Variants in IQGAP3 observed in about 807,000 individuals in gnomAD.
The protein encoded by IQGAP3 is IQ motif containing GTPase activating protein 3.
A neutral mutation model predicts 208.2 loss-of-function variants in IQGAP3; 165 were observed. The ratio of observed to expected loss-of-function variants is 0.79; its 90% CI spans 0.70 to 0.90. The LOEUF (loss-of-function observed/expected upper bound fraction) is 0.90, where lower values mean the gene tolerates loss of function less well. IQGAP3 is among the 40% of genes least tolerant of loss of function. The probability of loss-of-function intolerance (pLI) is 0.00; values close to 1 mark genes in which losing one functional copy is unlikely to be tolerated. For missense variants in IQGAP3, 1,811 were observed against 2,043.1 expected (o/e 0.89, Z 2.19); for synonymous variants, 703 against 803.6 (o/e 0.87, Z 2.12).
rs769243391 is a variant in IQGAP3, at chr1:156,539,492, T to C, written c.2938A>G (p.Asn980Asp). The change falls in exon 25 of 38, where the codon AAC (asparagine) becomes GAC (aspartate). Residue 980 changes from asparagine (N) to aspartate (D), a missense_variant. Coordinates refer to ENST00000361170, the MANE Select transcript of IQGAP3 (RefSeq NM_178229.5). Reference sequence around the variant, plus strand: ...GCCTCCATGAACTTGGTGGTTTTGTTCTGTGGCATCTGAAAGATCAGCTTG... The same window carrying C: ...GCCTCCATGAACTTGGTGGTTTTGTCCTGTGGCATCTGAAAGATCAGCTTG... ...LAKLIFQMPQNKTTKFMEAVI... is the reference protein window; with the variant it reads ...LAKLIFQMPQDKTTKFMEAVI... The C allele has an allele frequency of 1.4e-5, 23 of 1,614,176 alleles. No homozygotes were observed. Among genetic ancestry groups the C allele is most frequent in the Non-Finnish European group, 1.9e-5 (23 of 1,180,032 alleles).
intron 2 of IQGAP3, among the ~76,000 whole-genome samples, chr1:156,568,978 G>A (rs748175284): frequency 8.6e-5 from 13 of 152,046 alleles, no homozygotes; most frequent in Non-Finnish European, 1.6e-4. Context: ...GATTAAAGAA[G>A]ACATACAAGC....
At position 156,548,516 on chromosome 1, in the gene IQGAP3, GT is replaced by G. The variant is rs1557933000; in HGVS notation, c.1994-30del. On this transcript the variant is annotated intron_variant, in intron 17 of 37. Coordinates refer to ENST00000361170, the MANE Select transcript of IQGAP3 (RefSeq NM_178229.5). ...AGCAGAAACCAAGCAAGCAGAAAAGGTTCAGAGCAGGCAAGGGGTGGCTGGG... is the reference window on the plus strand; with the variant it reads ...AGCAGAAACCAAGCAAGCAGAAAAGGTCAGAGCAGGCAAGGGGTGGCTGGG... 1.9e-6 allele frequency: 3 copies of G among 1,608,418 alleles called. No homozygotes were observed. The Admixed American group carries it at 5.0e-5, about 27-fold the overall frequency.
chr1:156,526,659 G>T, intron 37 of IQGAP3, 60 bp from the exon 38 acceptor site: 1 of 1,196,440 alleles, frequency 8.4e-7, no homozygotes, highest in Non-Finnish European at 1.2e-6. Flanking sequence ...CCAGTCAGAT[G>T]GTGTACAAAA....
intron 16 of IQGAP3, among the ~76,000 whole-genome samples, chr1:156,549,484 A>AG (rs1557933982): frequency 2.0e-5 from 3 of 151,208 alleles, no homozygotes; most frequent in Non-Finnish European, 2.9e-5. Flanking sequence ...AAAAAAAAAA[A>AG]AAAGAAAAAA....
intron 12 of IQGAP3, among the ~76,000 whole-genome samples, chr1:156,555,172 C>T (rs978205758): frequency 2.6e-5 from 4 of 152,208 alleles, no homozygotes; most frequent in African/African-American, 9.7e-5. Context: ...TTTCCCTGCC[C>T]TGTCCTTCTT....
In IQGAP3 at chr1:156,563,254, G is replaced by T. The variant is rs915018833; in HGVS notation, c.678C>A (p.Thr226=). 6.2e-7 allele frequency: 1 copy of T among 1,612,600 alleles called. No homozygotes were observed. The highest frequency in any genetic ancestry group is 1.3e-5 in the African/African-American group (1 of 75,006). Residue 226 remains threonine (T), a synonymous_variant, in exon 8 of 38, where the codon ACC becomes ACA. Coordinates refer to ENST00000361170, the MANE Select transcript of IQGAP3 (RefSeq NM_178229.5). The stretch of plus-strand genomic sequence containing the variant: ...CACTGGGATTCTGCAAGGCAGCCAG[G>T]GTGTCCTCCACCACCCCTCGCTCCA... ...EAVERGVVED[T]LAALQNPSAL... is the part of the protein sequence containing the mutation.
intron 22 of IQGAP3, among the ~76,000 whole-genome samples, chr1:156,541,216 C>T (rs1167180901): frequency 6.6e-6 from 1 of 151,986 alleles, no homozygotes; most frequent in Non-Finnish European, 1.5e-5. Context: ...AAAGCCAGAG[C>T]CACAGCTCCC....
At chr1:156,572,387 C>A in intron 1 of IQGAP3, 106 bp downstream of exon 1, 1 of 1,251,646 alleles carries the variant, frequency 8.0e-7, no homozygotes, top group African/African-American at 1.5e-5. Context: ...CCGCCCTCGC[C>A]CCTCAGGCTT....
chr1:156,537,165 G>A lies in IQGAP3; in HGVS notation c.3422+16C>T. 6.2e-7 allele frequency: 1 copy of A among 1,610,102 alleles called. No individual in the cohort carries two copies. The highest frequency in any genetic ancestry group is 8.5e-7 in the Non-Finnish European group (1 of 1,177,756). ...GAAATCCCATGCGTAGGCTGGGGTGGGGCTGTTGCACATACGGAATTTGGT... is the reference window on the plus strand; with the variant it reads ...GAAATCCCATGCGTAGGCTGGGGTGAGGCTGTTGCACATACGGAATTTGGT... On this transcript the variant is annotated intron_variant, in intron 27 of 37. Coordinates refer to ENST00000361170, the MANE Select transcript of IQGAP3 (RefSeq NM_178229.5).
chr1:156,568,689 A>G (rs1282961605), intron 2 of IQGAP3, among the ~76,000 whole-genome samples: 1 of 152,182 alleles, frequency 6.6e-6, no homozygotes, highest in African/African-American at 2.4e-5. Flanking sequence ...TGCCTGGCTA[A>G]TATTTGTATT....
At position 156,563,562 on chromosome 1, in the gene IQGAP3, C is replaced by T; in HGVS notation, c.610G>A (p.Glu204Lys). Residue 204 changes from glutamate (E) to lysine (K), a missense_variant, in exon 7 of 38, where the codon GAG (glutamate) becomes AAG (lysine). Coordinates refer to ENST00000361170, the MANE Select transcript of IQGAP3 (RefSeq NM_178229.5). The part of the protein sequence containing the change: ...GILANELSVD[E>K]AAVHAAVLAI... ...AGAGCCTAGTCCTTACCTGCAGCCT[C>T]ATCCACCGAGAGCTCATTGGCCAAG... The T allele has an allele frequency of 6.2e-7, 1 of 1,613,362 alleles. No homozygotes were observed. Among genetic ancestry groups the T allele is most frequent in the South Asian group, 1.1e-5 (1 of 90,900 alleles).
chr1:156,560,330 G>A (rs763189414), intron 11 of IQGAP3, among the ~76,000 whole-genome samples: 1 of 152,110 alleles, frequency 6.6e-6, no homozygotes, highest in African/African-American at 2.4e-5. Context: ...TGGCCAACAC[G>A]AAGAACCCTA....
rs1676165521 is a variant in IQGAP3, at chr1:156,561,894, C to A, written c.985G>T (p.Asp329Tyr). ...TGCTCCAGGTACCAGTCAGCAAAGT[C>A]TCTCCTCACCCCTCGCAGGGCCAGG... ...PALALRGVRR[D>Y]FADWYLEQLN... Residue 329 changes from aspartate to tyrosine, a missense_variant, in exon 10 of 38, where the codon GAC (aspartate) becomes TAC (tyrosine). Transcript: ENST00000361170. 6.2e-7 allele frequency: 1 copy of A among 1,613,974 alleles called. No homozygotes were observed. Among genetic ancestry groups the A allele is most frequent in the African/African-American group, 1.3e-5 (1 of 74,892 alleles).
At chr1:156,534,974 C>T (rs187391344) in intron 28 of IQGAP3, among the ~76,000 whole-genome samples, 189 bp downstream of exon 28, 8 of 152,344 alleles carry the variant, frequency 5.3e-5, no homozygotes, top group African/African-American at 1.9e-4. Flanking sequence ...TCGCTCACAC[C>T]CCAGCATGAG....
intron 32 of IQGAP3, 108 bp downstream of exon 32, chr1:156,532,872 A>G: frequency 3.3e-6 from 4 of 1,212,964 alleles, no homozygotes; most frequent in Non-Finnish European, 4.7e-6. Flanking sequence ...CCTGAAGGAT[A>G]AGGGAGCCCA....
intron 37 of IQGAP3, among the ~76,000 whole-genome samples, chr1:156,526,901 C>T (rs547448605): frequency 1.5e-4 from 23 of 152,132 alleles, no homozygotes; most frequent in Admixed American, 9.8e-4. Context: ...GGCGCGATCT[C>T]GGATCGCTGC....
rs1394891988 is a variant in IQGAP3, at chr1:156,563,792, T to A, written c.470A>T (p.Gln157Leu). ...CACTTTCCCGTATAGATCATGTATCTGAGGGGCCAATCCCAGCCGGAAGAG... is the reference window on the plus strand; with the variant it reads ...CACTTTCCCGTATAGATCATGTATCAGAGGGGCCAATCCCAGCCGGAAGAG... ...LFLFRLGLAPQIHDLYGKVKF... is the reference protein window; with the variant it reads ...LFLFRLGLAPLIHDLYGKVKF... Residue 157 changes from glutamine to leucine, a missense_variant, in exon 6 of 38, where the codon CAG becomes CTG. Physicochemically the swap from Gln to Leu is moderately radical, Grantham distance 113 (BLOSUM62 -2). Transcript: ENST00000361170. 2.5e-6 allele frequency: 4 copies of A among 1,613,972 alleles called. No homozygotes were observed. In the East Asian group the frequency reaches 8.9e-5, roughly 36 times the overall value.
At chr1:156,554,567 G>C (rs1250863545) in intron 12 of IQGAP3, among the ~76,000 whole-genome samples, 175 bp from the exon 13 acceptor site, 1 of 152,200 alleles carries the variant, frequency 6.6e-6, no homozygotes, top group Non-Finnish European at 1.5e-5. Context: ...CTTACTATGT[G>C]CTCAATTATA....
intron 23 of IQGAP3, 51 bp from the exon 24 acceptor site, chr1:156,540,041 C>T: frequency 6.2e-7 from 1 of 1,605,258 alleles, no homozygotes; most frequent in Non-Finnish European, 8.5e-7. Context: ...CATCCCAGGG[C>T]ACAGAACATA....
Sources: allele counts gnomAD v4.1 joint callset (sites outside exome capture counted in the v4.1 genomes callset), GRCh38; gene constraint gnomAD v4.1.1; transcripts MANE v1.5; gene names NCBI Gene and HGNC (gene_info 2026-07-23, HGNC 2026-07-21).